The following EEA1 variants were observed in gnomAD, a reference collection of about 807,000 sequenced individuals.
EEA1 encodes the protein early endosome antigen 1, also known as early endosome antigen 1, 162kD.
Under a neutral mutation model 209.2 loss-of-function variants are expected in EEA1, and 111 were observed. The ratio of observed to expected loss-of-function variants is 0.53; its 90% CI spans 0.45 to 0.62. The LOEUF (loss-of-function observed/expected upper bound fraction) is 0.62, where lower values mean the gene tolerates loss of function less well. Among genes scored for constraint, EEA1 ranks in the 20% least tolerant of loss-of-function variants. The pLI, the probability that EEA1 is intolerant of heterozygous loss-of-function variation, is 0.00. For missense variants in EEA1, 1,343 were observed against 1,530.8 expected, an observed-to-expected ratio of 0.88 and a Z score of 2.05; for synonymous variants, 536 against 540.6, an observed-to-expected ratio of 0.99 and a Z score of 0.12.
At chr12:92,836,889 G>A (rs967370977) in intron 10 of EEA1, among the ~76,000 whole-genome samples, 2 of 152,014 alleles carry the variant, frequency 1.3e-5, no homozygotes, top group East Asian at 1.9e-4. Flanking sequence ...TTGGGAGGCC[G>A]AGGCGGGCAG....
intron 3 of EEA1, chr12:92,858,778 C>T: frequency 2.6e-6 from 2 of 777,880 alleles, no homozygotes; most frequent in South Asian, 2.7e-5. Flanking sequence ...AGCCATTGTG[C>T]CTGCAAAATA....
At chr12:92,928,803 C>G (rs1355606144) in intron 1 of EEA1, among the ~76,000 whole-genome samples, 2 of 151,566 alleles carry the variant, frequency 1.3e-5, no homozygotes, top group African/African-American at 4.8e-5. Context: ...CGGAGCCCCG[C>G]GCCGGAGCGG....
chr12:92,826,589 C>T (rs1410924510), intron 12 of EEA1, among the ~76,000 whole-genome samples: 16 of 151,688 alleles, frequency 1.1e-4, no homozygotes, highest in Admixed American at 7.9e-4. Context: ...GTGGCAGATG[C>T]CTGTAGTCCC....
At chr12:92,814,892 G>A (rs1875703978) in intron 15 of EEA1, among the ~76,000 whole-genome samples, 1 of 152,040 alleles carries the variant, frequency 6.6e-6, no homozygotes, top group African/African-American at 2.4e-5. Context: ...ATAGTTAAAG[G>A]GACACTCCAG....
chr12:92,842,139 A>C (rs955930640), intron 10 of EEA1, among the ~76,000 whole-genome samples: 2 of 152,176 alleles, frequency 1.3e-5, no homozygotes, highest in African/African-American at 4.8e-5. Flanking sequence ...AAATTTAAAA[A>C]ACAACATTTT....
intron 1 of EEA1, among the ~76,000 whole-genome samples, chr12:92,907,909 C>T (rs1880438081): frequency 6.6e-6 from 1 of 152,162 alleles, no homozygotes; most frequent in Non-Finnish European, 1.5e-5. Flanking sequence ...GCGGAAGTTG[C>T]AGTGCACTGA....
At chr12:92,844,903 G>A (rs1378469526) in intron 9 of EEA1, among the ~76,000 whole-genome samples, 1 of 151,956 alleles carries the variant, frequency 6.6e-6, no homozygotes, top group Non-Finnish European at 1.5e-5. Context: ...TAAGCCAAGT[G>A]TAAGGTCTAT....
chr12:92,777,862 A>AT, intron 26 of EEA1, 79 bp downstream of exon 26: 1 of 1,438,754 alleles, frequency 7.0e-7, no homozygotes, highest in Non-Finnish European at 9.5e-7. Flanking sequence ...AGATTCTTCT[A>AT]TTTTTAAAAA....
chr12:92,847,264 A>G lies in EEA1; in HGVS notation c.798+3847T>C, dbSNP rs1049113547. ...GCCACTGCACCTGGCCCTTAAAAAT[A>G]AATTTTTAGCTTCTTTAATTCCTTT... On this transcript the variant is annotated intron_variant, in intron 9 of 28. Coordinates refer to ENST00000322349, the MANE Select transcript of EEA1 (RefSeq NM_003566.4). 2.6e-5 allele frequency among the ~76,000 whole-genome samples: 4 copies of G among 152,132 alleles called. No individual in the cohort carries two copies. In the East Asian group the frequency reaches 7.7e-4, roughly 29 times the overall value.
chr12:92,864,659 T>C (rs770378938), intron 3 of EEA1, among the ~76,000 whole-genome samples: 1 of 152,162 alleles, frequency 6.6e-6, no homozygotes, highest in Non-Finnish European at 1.5e-5. Flanking sequence ...TGTACCGTAT[T>C]GTACTTGCTG....
At chr12:92,910,447 C>T (rs138686109) in intron 1 of EEA1, among the ~76,000 whole-genome samples, 22,997 of 150,310 alleles carry the variant, frequency 0.15, 2,609 homozygotes, top group East Asian at 0.57. Context: ...ACAGCCTGGG[C>T]GACAGAGCAA....
At chr12:92,776,178 C>T (rs1210728994) in intron 28 of EEA1, 45 bp from the exon 29 acceptor site, 2 of 1,552,210 alleles carry the variant, frequency 1.3e-6, no homozygotes, top group Non-Finnish European at 1.7e-6. Context: ...AAAAACTATA[C>T]CAAAAGTATT....
chr12:92,886,208 A>C (rs1374153499), intron 2 of EEA1, among the ~76,000 whole-genome samples: 2 of 147,774 alleles, frequency 1.4e-5, no homozygotes, highest in Admixed American at 6.7e-5. Flanking sequence ...AAAAAAAAAA[A>C]CAATCAGAAC....
intron 25 of EEA1, among the ~76,000 whole-genome samples, chr12:92,778,658 AAT>A (rs1873765559): frequency 6.6e-6 from 1 of 152,106 alleles, no homozygotes; most frequent in Non-Finnish European, 1.5e-5. Flanking sequence ...ATTTGGACTT[AAT>A]TCAACAGAGG....
At chr12:92,803,985 G>A (rs1176793953) in intron 18 of EEA1, among the ~76,000 whole-genome samples, 2 of 150,614 alleles carry the variant, frequency 1.3e-5, no homozygotes, top group Non-Finnish European at 3.0e-5. Context: ...GACACTTCTT[G>A]TTTTTTTTTA....
chr12:92,832,896 A>T (rs748712383), intron 10 of EEA1, 46 bp from the exon 11 acceptor site: 5 of 1,311,132 alleles, frequency 3.8e-6, no homozygotes, highest in Non-Finnish European at 4.1e-6. Flanking sequence ...AATATTTTTA[A>T]TTACTCCAAT....
chr12:92,927,086 C>T (rs1282916613), intron 1 of EEA1, among the ~76,000 whole-genome samples: 2 of 152,168 alleles, frequency 1.3e-5, no homozygotes, highest in Non-Finnish European at 2.9e-5. Context: ...TCAAACTTTC[C>T]TACTAAAGAG....
chr12:92,794,404 C>T (rs1025671721), intron 21 of EEA1, among the ~76,000 whole-genome samples: 4 of 152,084 alleles, frequency 2.6e-5, no homozygotes, highest in African/African-American at 4.8e-5. Context: ...GATTATAAAT[C>T]GTGCTACTAT....
In EEA1 at chr12:92,777,609, C is replaced by T. The variant is rs1168994332; in HGVS notation, c.3948G>A (p.Leu1316=). ...IEKLQTKVLE[L]QRKLDNTTAA... is the part of the protein sequence containing the mutation. Reference sequence around the variant, plus strand: ...CAGTTGTATTATCCAGCTTTCTTTGCAATTCTAATACTTTGGTTTGAAGCT... The same window carrying T: ...CAGTTGTATTATCCAGCTTTCTTTGTAATTCTAATACTTTGGTTTGAAGCT... Residue 1316 remains leucine (L), a synonymous_variant, in exon 27 of 29, where the codon TTG becomes TTA. Transcript: ENST00000322349. The T allele has an allele frequency of 1.2e-6, 2 of 1,612,258 alleles. No homozygotes were observed. The highest frequency in any genetic ancestry group is 1.7e-6 in the Non-Finnish European group (2 of 1,178,918).
Sources: allele counts gnomAD v4.1 joint callset (sites outside exome capture counted in the v4.1 genomes callset), GRCh38; gene constraint gnomAD v4.1.1; transcripts MANE v1.5; gene names NCBI Gene and HGNC (gene_info 2026-07-23, HGNC 2026-07-21).